The following FANCG variants were observed in gnomAD, a reference collection of about 807,000 sequenced individuals.
FANCG encodes FA complementation group G.
Under a neutral mutation model 73.3 loss-of-function variants are expected in FANCG, and 67 were observed. The observed-to-expected ratio is 0.91, with a 90% CI of 0.75 to 1.12. The LOEUF (loss-of-function observed/expected upper bound fraction) is 1.12, where lower values mean the gene tolerates loss of function less well. Among genes scored for constraint, FANCG ranks in the 50% most tolerant of loss-of-function variants. The probability of loss-of-function intolerance (pLI) is 0.00; values close to 1 mark genes in which losing one functional copy is unlikely to be tolerated. For missense variants in FANCG, 643 were observed against 735.6 expected, an observed-to-expected ratio of 0.87 and a Z score of 1.46; for synonymous variants, 297 against 311.6, an observed-to-expected ratio of 0.95 and a Z score of 0.49.
chr9:35,077,423 A>G (rs779762849), intron 4 of FANCG, 24 bp from the exon 5 acceptor site: 1 of 1,614,056 alleles, frequency 6.2e-7, no homozygotes, highest in African/African-American at 1.3e-5. Flanking sequence ...GACAACCAGA[A>G]GCTCCAAGCC....
rs1829127089 is a variant in FANCG, at chr9:35,078,495, C to A, written c.307+110G>T. 3 of 1,558,858 alleles carry A rather than the reference C, an allele frequency of 1.9e-6. No homozygotes were observed. In the African/African-American group the frequency reaches 4.1e-5, roughly 21 times the overall value. On this transcript the variant is annotated intron_variant, in intron 3 of 13. Coordinates refer to ENST00000378643, the MANE Select transcript of FANCG (RefSeq NM_004629.2). ...CTGGTCTGAAGAGCACAGAGAAGGG[C>A]ACCTCTCTCCATGGAGGTGACAGAT...
rs1829129449 is a variant in FANCG at position 35,078,645 on chromosome 9, T to C, written c.267A>G (p.Thr89=). The C allele has an allele frequency of 1.9e-6, 3 of 1,614,190 alleles. No individual in the cohort carries two copies. Among genetic ancestry groups the C allele is most frequent in the Non-Finnish European group, 2.5e-6 (3 of 1,180,038 alleles). The part of the protein sequence containing the change: ...ILRASLAQGF[T]EDQAQDIQRS... The stretch of plus-strand genomic sequence containing the variant: ...GCTGGATATCCTGGGCCTGATCCTC[T>C]GTGAAACCCTGGGCCAAGCTTGCCC... The change falls in exon 3 of 14, where the codon ACA becomes ACG. Residue 89 remains threonine, a synonymous_variant. Coordinates refer to ENST00000378643, the MANE Select transcript of FANCG (RefSeq NM_004629.2).
intron 2 of FANCG, 91 bp downstream of exon 2, chr9:35,079,060 G>C: frequency 8.9e-7 from 1 of 1,125,092 alleles, no homozygotes; most frequent in South Asian, 1.3e-5. Flanking sequence ...TCCCTGCCCC[G>C]AGTAATTATA....
chr9:35,078,427 C>T (rs974443592), intron 3 of FANCG, 84 bp from the exon 4 acceptor site: 9 of 1,543,036 alleles, frequency 5.8e-6, no homozygotes, highest in Non-Finnish European at 8.0e-6. Context: ...TCTGGCTTTC[C>T]TCTCCTGCAG....
At position 35,077,401 on chromosome 9, in the gene FANCG, T is replaced by TG. The variant is rs376732298; in HGVS notation, c.511-3dup. The TG allele has an allele frequency of 1.3e-5, 21 of 1,613,962 alleles. No individual in the cohort carries two copies. In the East Asian group the frequency reaches 4.2e-4, roughly 33 times the overall value. ...CAGCAGATCCTTAGAGGCTCCACTC[T>TG]GGGGAAAGAAGGACAACCAGAAGCT... On this transcript the variant is annotated splice_polypyrimidine_tract_variant and splice_region_variant and intron_variant, in intron 4 of 13. Transcript: ENST00000378643.
rs1301211579 is a variant in FANCG at position 35,076,998 on chromosome 9, T to A, written c.750A>T (p.Thr250=). The A allele has an allele frequency of 6.2e-7, 1 of 1,614,194 alleles. No individual in the cohort carries two copies. The change falls in exon 6 of 14, where the codon ACA becomes ACT. Residue 250 remains threonine, a synonymous_variant. Coordinates refer to ENST00000378643, the MANE Select transcript of FANCG (RefSeq NM_004629.2). The part of the protein sequence containing the change: ...CPRPVLVQVY[T]ALGSCHRKMG... ...TCTTACGGTGACAGGACCCCAGTGC[T>A]GTGTACACCTGGACCAACACAGGCC...
chr9:35,075,439 C>T (rs1829064142), intron 10 of FANCG, 26 bp downstream of exon 10: 3 of 1,613,998 alleles, frequency 1.9e-6, no homozygotes, highest in African/African-American at 1.3e-5. Context: ...CATCCCTCCA[C>T]ACCCCCTCTA....
rs1212760941 is a variant in FANCG at position 35,078,378 on chromosome 9, C to G, written c.308-35G>C. ...ATACACACACACATAGACACACACACAGCTGAAGTAGCACCTCATCCTCCA... is the reference window on the plus strand; with the variant it reads ...ATACACACACACATAGACACACACAGAGCTGAAGTAGCACCTCATCCTCCA... On this transcript the variant is annotated intron_variant, in intron 3 of 13. Transcript: ENST00000378643. 2.5e-6 allele frequency: 4 copies of G among 1,600,210 alleles called. No individual in the cohort carries two copies. The African/African-American group carries it at 5.4e-5, about 21-fold the overall frequency.
chr9:35,078,068 G>A, intron 4 of FANCG, 73 bp downstream of exon 4: 1 of 1,412,768 alleles, frequency 7.1e-7, no homozygotes, highest in East Asian at 2.3e-5. Context: ...ACATGATGAT[G>A]CTACTGCAGC....
At position 35,074,123 on chromosome 9, in the gene FANCG, CTT is replaced by C. The variant is rs532302967; in HGVS notation, c.1852_1853del (p.Lys618ValfsTer3). 2.5e-5 allele frequency: 40 copies of C among 1,614,140 alleles called. No homozygotes were observed. Among genetic ancestry groups the C allele is most frequent in the African/African-American group, 1.7e-4 (13 of 75,054 alleles). ...AACGTGGCAGCTACAGGTCACAAGA[CTT>C]TGGCAGAGATGTCCGAAATTCTTCA... is the stretch of plus-strand genomic sequence containing the variant. ...FLEEFRTSLP[K>X]SCDL On this transcript the variant is annotated frameshift_variant, in exon 14 of 14. Transcript: ENST00000378643. LOFTEE classifies it high-confidence loss of function.
Position 35,076,025 on chromosome 9 carries a change from T to C in FANCG, c.1080A>G (p.Ala360=), listed in dbSNP as rs567518139. ...CCAAGTAATGCTCTGCAGCGTCTCCTGCCCTGAGGAGTAAAAGCCCATAAG... is the reference window on the plus strand; with the variant it reads ...CCAAGTAATGCTCTGCAGCGTCTCCCGCCCTGAGGAGTAAAAGCCCATAAG... ...LASRCLQTGR[A]GDAAEHYLDL... is the part of the protein sequence containing the mutation. Residue 360 remains alanine, a synonymous_variant, in exon 9 of 14, where the codon GCA becomes GCG. Transcript: ENST00000378643. 6.2e-7 allele frequency: 1 copy of C among 1,614,018 alleles called. No homozygotes were observed. Among genetic ancestry groups the C allele is most frequent in the African/African-American group, 1.3e-5 (1 of 75,058 alleles).
chr9:35,074,914 C>T lies in FANCG; in HGVS notation c.1636+13G>A, dbSNP rs1010004896. 12 of 1,614,176 alleles carry T rather than the reference C, an allele frequency of 7.4e-6. No homozygotes were observed. Among genetic ancestry groups the T allele is most frequent in the Non-Finnish European group, 1.0e-5 (12 of 1,180,014 alleles). The stretch of plus-strand genomic sequence containing the variant: ...ACATCTATGCATAGCCGACGTCATG[C>T]AAGTATACATACCTGGGCACATCTG... On this transcript the variant is annotated intron_variant, in intron 12 of 13. Coordinates refer to ENST00000378643, the MANE Select transcript of FANCG (RefSeq NM_004629.2).
At chr9:35,074,539 T>C in intron 12 of FANCG, 45 bp from the exon 13 acceptor site, 1 of 1,613,244 alleles carries the variant, frequency 6.2e-7, no homozygotes, top group Non-Finnish European at 8.5e-7. Flanking sequence ...CTTGACATAG[T>C]CTTAGGCATT....
chr9:35,079,796 C>G lies in FANCG; in HGVS notation c.-272G>C. ...GGTTGGTCCTCTTGAAGAGTTAGTT[C>G]CCGCGGGAAACTCGGGGAGGAAACG... On this transcript the variant is annotated 5_prime_UTR_variant, in exon 1 of 14. Coordinates refer to ENST00000378643, the MANE Select transcript of FANCG (RefSeq NM_004629.2). 1 of 527,836 alleles carries G rather than the reference C, an allele frequency of 1.9e-6. No individual in the cohort carries two copies. Among genetic ancestry groups the G allele is most frequent in the Non-Finnish European group, 3.4e-6 (1 of 289,916 alleles). 32.7% of individuals were successfully genotyped at this position (527,836 alleles called of 1,614,324 possible).
rs375757497 is a variant in FANCG, at chr9:35,075,742, G to T, written c.1156C>A (p.Pro386Thr). Residue 386 changes from proline to threonine, a missense_variant, in exon 10 of 14, where the codon CCC (proline) becomes ACC (threonine). Physicochemically the swap from Pro to Thr is conservative, Grantham distance 38. Coordinates refer to ENST00000378643, the MANE Select transcript of FANCG (RefSeq NM_004629.2). ...DSSEPRFSPP[P>T]SPPGPCMPEV... ...GGCATACAGGGCCCTGGAGGGGAGG[G>T]GGGTGGGGAGAACTGGAGTGGGAAG... 3.3e-5 allele frequency: 19 copies of T among 576,734 alleles called. No individual in the cohort carries two copies. Among genetic ancestry groups the T allele is most frequent in the East Asian group, 9.6e-5 (2 of 20,928 alleles). 35.7% of individuals were successfully genotyped at this position (576,734 alleles called of 1,614,324 possible). A position where few individuals can be genotyped will look rare whatever the true frequency, so the allele number is the denominator to read the frequency against.
rs1426126119 is a variant in FANCG, at chr9:35,079,192, T to A, written c.134A>T (p.Asp45Val). 18 of 1,608,952 alleles carry A rather than the reference T, an allele frequency of 1.1e-5. No homozygotes were observed. Among genetic ancestry groups the A allele is most frequent in the Non-Finnish European group, 1.4e-5 (17 of 1,177,792 alleles). The stretch of plus-strand genomic sequence containing the variant: ...GAGCCCTCTGAGCCCTTCCAGTGCA[T>A]CCTGAGCCAACTGCTGTCGCCTCAG... ...LTLRRQQLAQ[D>V]ALEGLRGLLH... The change falls in exon 2 of 14, where the codon GAT becomes GTT. Residue 45 changes from aspartate to valine, a missense_variant. Coordinates refer to ENST00000378643, the MANE Select transcript of FANCG (RefSeq NM_004629.2).
intron 4 of FANCG, among the ~76,000 whole-genome samples, chr9:35,077,761 A>T (rs1161442595): frequency 1.4e-4 from 20 of 145,334 alleles, no homozygotes; most frequent in Non-Finnish European, 2.4e-4. Context: ...CCAAAAAAAA[A>T]TTTTTTTTTT....
chr9:35,076,127 G>T, intron 8 of FANCG, 99 bp from the exon 9 acceptor site: 6 of 1,248,318 alleles, frequency 4.8e-6, no homozygotes, highest in Non-Finnish European at 7.1e-6. Context: ...GGATGTTCAT[G>T]GGCCCTGAGG....
At position 35,077,318 on chromosome 9, in the gene FANCG, G is replaced by A. The variant is rs2131057155; in HGVS notation, c.592C>T (p.Gln198Ter). 2 of 1,614,146 alleles carry A rather than the reference G, an allele frequency of 1.2e-6. No homozygotes were observed. Among genetic ancestry groups the A allele is most frequent in the Non-Finnish European group, 1.7e-6 (2 of 1,179,992 alleles). Residue 198 changes from glutamine (Q) to a stop codon, truncating the protein, a stop_gained, in exon 5 of 14, where the codon CAG (glutamine) becomes TAG (stop). Transcript: ENST00000378643. LOFTEE classifies it high-confidence loss of function. ...ACATCCTTCAATCCCTGGGCATCCT[G>A]CAGGGTCAATGGAGCATCTAATTCC... The part of the protein sequence containing the change: ...AEELDAPLTL[Q>*]DAQGLKDVLL...
Sources: gnomAD v4.1 joint callset for allele counts (sites outside exome capture counted in the v4.1 genomes callset) on GRCh38, gnomAD v4.1.1 for gene constraint, MANE v1.5 for transcripts, NCBI Gene and HGNC (gene_info 2026-07-23, HGNC 2026-07-21) for gene names.